IL1RAPL1: variants seen among roughly 807,000 people sequenced by gnomAD.
IL1RAPL1 encodes the protein interleukin-1 receptor accessory protein-like 1.
IL1RAPL1 carries 3 observed loss-of-function variants against 48.4 expected under a neutral mutation model. The ratio of observed to expected loss-of-function variants is 0.06; its 90% CI spans 0.03 to 0.16. IL1RAPL1 has a LOEUF of 0.16. IL1RAPL1 is among the 10% of genes least tolerant of loss of function. The probability of loss-of-function intolerance (pLI) is 1.00; values close to 1 mark genes in which losing one functional copy is unlikely to be tolerated. For synonymous variants in IL1RAPL1, 185 were observed against 187.7 expected (o/e 0.99, Z 0.12); for missense variants, 349 against 530.6 (o/e 0.66, Z 3.36).
At chrX:29,443,743 A>G (rs945384602) in intron 5 of IL1RAPL1, among the ~76,000 whole-genome samples, 3 of 111,968 alleles carry the variant, frequency 2.7e-5, no homozygotes, top group African/African-American at 6.5e-5. Context: ...AGAATGGCTT[A>G]TCTCTGCTCT....
intron 6 of IL1RAPL1, among the ~76,000 whole-genome samples, chrX:29,738,257 G>C (rs147069444): frequency 1.7e-4 from 19 of 110,247 alleles, no homozygotes; most frequent in African/African-American, 5.9e-4. Context: ...CCAGGATAGT[G>C]ACCTACCCAT....
intron 3 of IL1RAPL1, among the ~76,000 whole-genome samples, chrX:29,310,976 T>C (rs1932717016): frequency 8.9e-6 from 1 of 111,862 alleles, no homozygotes; most frequent in Non-Finnish European, 1.9e-5. Flanking sequence ...GGTGTTTTTT[T>C]CCCCATGAAA....
In IL1RAPL1 at chrX:29,621,936, G is replaced by A. The variant is rs975073857; in HGVS notation, c.704-46494G>A. On this transcript the variant is annotated intron_variant, in intron 5 of 10. Transcript: ENST00000378993. ...CTCTTTATCTCCTTCTCCTTCCTACGCTGTGGTAACAACCAATATGCTATC... is the reference window on the plus strand; with the variant it reads ...CTCTTTATCTCCTTCTCCTTCCTACACTGTGGTAACAACCAATATGCTATC... Among the ~76,000 whole-genome samples, 9 of 111,226 alleles carry A rather than the reference G, an allele frequency of 8.1e-5. No homozygotes were observed. The South Asian group carries it at 1.1e-3, about 14-fold the overall frequency.
intron 3 of IL1RAPL1, among the ~76,000 whole-genome samples, chrX:29,333,747 C>T (rs1241165508): frequency 3.0e-5 from 2 of 67,236 alleles, no homozygotes; most frequent in Non-Finnish European, 2.9e-5. Flanking sequence ...GGCGGCTGGC[C>T]GGGTGGGGGC....
chrX:29,865,875 C>T (rs1169660622), intron 6 of IL1RAPL1, among the ~76,000 whole-genome samples: 2 of 105,566 alleles, frequency 1.9e-5, no homozygotes, highest in Admixed American at 2.1e-4. Flanking sequence ...GTCTCGAACT[C>T]CTGACCTCAA....
At chrX:29,792,978 A>G (rs1422596234) in intron 6 of IL1RAPL1, among the ~76,000 whole-genome samples, 2 of 112,134 alleles carry the variant, frequency 1.8e-5, no homozygotes, top group Non-Finnish European at 3.8e-5. Context: ...ACCCTTGCAC[A>G]ATGTATATAT....
chrX:29,165,427 G>A (rs927402748), intron 2 of IL1RAPL1, among the ~76,000 whole-genome samples: 1 of 112,059 alleles, frequency 8.9e-6, no homozygotes, highest in African/African-American at 3.2e-5. Flanking sequence ...ACTCTATCAG[G>A]TTAGTTACTC....
intron 2 of IL1RAPL1, among the ~76,000 whole-genome samples, chrX:29,197,003 T>C (rs184880197): frequency 1.7e-3 from 191 of 110,694 alleles, no homozygotes; most frequent in African/African-American, 5.7e-3. Context: ...TTCATCTTTT[T>C]CTTTTAGATA....
intron 6 of IL1RAPL1, among the ~76,000 whole-genome samples, chrX:29,763,429 CTA>C (rs768889051): frequency 2.7e-5 from 3 of 110,842 alleles, no homozygotes; most frequent in Admixed American, 1.9e-4. Flanking sequence ...TAAAAGGAAA[CTA>C]TGTGCTCAGG....
At chrX:29,941,399 C>T (rs779251245) in intron 8 of IL1RAPL1, among the ~76,000 whole-genome samples, 1 of 111,875 alleles carries the variant, frequency 8.9e-6, no homozygotes, top group South Asian at 3.7e-4. Context: ...AGCTACCAAC[C>T]AAGGTTCATT....
At chrX:28,713,772 A>G (rs1935469464) in intron 1 of IL1RAPL1, among the ~76,000 whole-genome samples, 1 of 111,988 alleles carries the variant, frequency 8.9e-6, no homozygotes, top group Non-Finnish European at 1.9e-5. Flanking sequence ...AGAAACATAG[A>G]AAGAAGGCAG....
At chrX:29,333,531 G>T (rs1201273427) in intron 3 of IL1RAPL1, among the ~76,000 whole-genome samples, 1 of 95,621 alleles carries the variant, frequency 1.0e-5, no homozygotes, top group Non-Finnish European at 2.1e-5. Flanking sequence ...CCAGGCGGGG[G>T]GCTGATCCCC....
At chrX:29,323,735 AT>A (rs1932822959) in intron 3 of IL1RAPL1, among the ~76,000 whole-genome samples, 9 of 9,845 alleles carry the variant, frequency 9.1e-4, no homozygotes, top group African/African-American at 5.2e-3. Flanking sequence ...ATATATATAT[AT>A]ATATATATAT....
chrX:29,880,660 A>G (rs1443308507), intron 6 of IL1RAPL1, among the ~76,000 whole-genome samples: 3 of 111,957 alleles, frequency 2.7e-5, no homozygotes, highest in Non-Finnish European at 5.7e-5. Flanking sequence ...CAAGAACTGA[A>G]GTATTCAATC....
rs750470748 is a variant in IL1RAPL1 at position 28,832,057 on chromosome X, C to T, written c.82+42632C>T. Among the ~76,000 whole-genome samples, 13 of 110,871 alleles carry T rather than the reference C, an allele frequency of 1.2e-4. No individual in the cohort carries two copies. In the East Asian group the frequency reaches 3.4e-3, roughly 29 times the overall value. Reference sequence around the variant, plus strand: ...GTGTACAAGGTGTAATGATCGTCAGCGTAATTAGCAAATTCATCACCACAA... The same window carrying T: ...GTGTACAAGGTGTAATGATCGTCAGTGTAATTAGCAAATTCATCACCACAA... On this transcript the variant is annotated intron_variant, in intron 2 of 10. Coordinates refer to ENST00000378993, the MANE Select transcript of IL1RAPL1 (RefSeq NM_014271.4).
At chrX:29,234,767 C>T (rs1051887698) in intron 2 of IL1RAPL1, among the ~76,000 whole-genome samples, 1 of 112,241 alleles carries the variant, frequency 8.9e-6, no homozygotes, top group Non-Finnish European at 1.9e-5. Context: ...AGATGTATGA[C>T]TTTACTAAGC....
chrX:28,603,144 A>G, intron 1 of IL1RAPL1, among the ~76,000 whole-genome samples: 1 of 111,978 alleles, frequency 8.9e-6, no homozygotes, highest in Non-Finnish European at 1.9e-5. Context: ...GTTGTAGGCA[A>G]CATATTTGTG....
intron 1 of IL1RAPL1, chrX:28,659,512 G>A: frequency 2.1e-6 from 1 of 469,381 alleles, no homozygotes; most frequent in Non-Finnish European, 3.9e-6. Context: ...TCCTTCGGCT[G>A]GAGCTCGGCG....
intron 4 of IL1RAPL1, among the ~76,000 whole-genome samples, chrX:29,397,759 C>CT (rs958217356): frequency 3.6e-5 from 4 of 110,799 alleles, no homozygotes; most frequent in African/African-American, 6.6e-5. Context: ...CAAATAAACC[C>CT]TTTTTTTTCT....
Sources: allele counts gnomAD v4.1 joint callset (sites outside exome capture counted in the v4.1 genomes callset), GRCh38; gene constraint gnomAD v4.1.1; transcripts MANE v1.5; gene names NCBI Gene and HGNC (gene_info 2026-07-23, HGNC 2026-07-21).